Variants in VDAC3 observed in about 807,000 individuals in gnomAD.
VDAC3 encodes the protein non-selective voltage-gated ion channel VDAC3.
In VDAC3, 7 loss-of-function variants were observed where a neutral mutation model predicts 33.9. The ratio of observed to expected loss-of-function variants is 0.21; its 90% CI spans 0.12 to 0.39. The LOEUF is 0.39. Ranked by LOEUF, VDAC3 falls within the 10% of genes least tolerant of loss-of-function variation. The probability of loss-of-function intolerance (pLI) is 1.00; values close to 1 mark genes in which losing one functional copy is unlikely to be tolerated. For missense variants in VDAC3, 261 were observed against 334.5 expected (o/e 0.78, Z 1.71); for synonymous variants, 100 against 122.4 (o/e 0.82, Z 1.21).
chr8:42,405,413 T>G lies in VDAC3; in HGVS notation c.803T>G (p.Phe268Cys). The G allele has an allele frequency of 6.2e-7, 1 of 1,612,764 alleles. No homozygotes were observed. The highest frequency in any genetic ancestry group is 8.5e-7 in the Non-Finnish European group (1 of 1,180,020). ...TLSALIDGKN[F>C]SAGGHKVGLG... ...TCAGCTTTAATCGATGGGAAGAACT[T>G]CAGTGCAGGAGGTCACAAGGTTGGC... is the stretch of plus-strand genomic sequence containing the variant. Residue 268 changes from phenylalanine (F) to cysteine (C), a missense_variant, in exon 10 of 10, where the codon TTC becomes TGC. Physicochemically the swap from Phe to Cys is radical, Grantham distance 205 (BLOSUM62 -2). Coordinates refer to ENST00000022615, the MANE Select transcript of VDAC3 (RefSeq NM_005662.7).
At chr8:42,398,437 A>G (rs1802355912) in intron 4 of VDAC3, among the ~76,000 whole-genome samples, 1 of 152,122 alleles carries the variant, frequency 6.6e-6, no homozygotes, top group African/African-American at 2.4e-5. Flanking sequence ...CATGTTGCGC[A>G]GGCTGGTCTT....
intron 4 of VDAC3, among the ~76,000 whole-genome samples, chr8:42,395,737 G>C (rs1193017643): frequency 6.7e-6 from 1 of 148,238 alleles, no homozygotes; most frequent in African/African-American, 2.5e-5. Flanking sequence ...AGGTGGGCGG[G>C]TCATGAGGTC....
chr8:42,392,299 T>C (rs1035177693), intron 1 of VDAC3, among the ~76,000 whole-genome samples: 1 of 152,158 alleles, frequency 6.6e-6, no homozygotes, highest in Admixed American at 6.5e-5. Context: ...GAGGGTGCCC[T>C]GCGTGCAATT....
rs1168783424 is a variant in VDAC3 at position 42,402,013 on chromosome 8, T to C, written c.549T>C (p.His183=). The change falls in exon 7 of 10, where the codon CAT becomes CAC. Residue 183 remains histidine, a splice_region_variant and synonymous_variant. Transcript: ENST00000022615. ...CTGCGGACTTCCAGCTGCACACACA[T>C]GTGTGAGTGTTTATAATTTATTCCT... The part of the protein sequence containing the change: ...YKAADFQLHT[H]VNDGTEFGGS... 3 of 1,614,070 alleles carry C rather than the reference T, an allele frequency of 1.9e-6. No homozygotes were observed. Among genetic ancestry groups the C allele is most frequent in the Non-Finnish European group, 2.5e-6 (3 of 1,179,936 alleles).
chr8:42,403,155 T>C (rs767481616), intron 7 of VDAC3, 156 bp from the exon 8 acceptor site: 22 of 749,946 alleles, frequency 2.9e-5, no homozygotes, highest in Non-Finnish European at 3.6e-5. Context: ...GATTTAGTTC[T>C]GTGTTTTGTT....
In VDAC3 at chr8:42,405,576, TC is replaced by T; in HGVS notation, c.*116del. The T allele has an allele frequency of 2.2e-6, 2 of 891,540 alleles. No individual in the cohort carries two copies. The highest frequency in any genetic ancestry group is 1.7e-5 in the African/African-American group (1 of 59,536). 55.2% of individuals were successfully genotyped at this position (891,540 alleles called of 1,614,324 possible). ...TTCAAAAGTGTGAACTTTTTATTCT[TC>T]CAAAGAATTGTAATCCTCCCCACAC... On this transcript the variant is annotated 3_prime_UTR_variant, in exon 10 of 10. Transcript: ENST00000022615.
chr8:42,404,764 T>C, intron 8 of VDAC3, 103 bp from the exon 9 acceptor site: 1 of 843,896 alleles, frequency 1.2e-6, no homozygotes, highest in Non-Finnish European at 1.9e-6. Context: ...AGATTGGCCC[T>C]AGGGTGCTTT....
intron 7 of VDAC3, among the ~76,000 whole-genome samples, chr8:42,402,478 C>T (rs1291542081): frequency 6.6e-6 from 1 of 152,122 alleles, no homozygotes; most frequent in African/African-American, 2.4e-5. Flanking sequence ...CGGTTGGAAC[C>T]CAGGTACCGC....
Position 42,395,143 on chromosome 8 carries a change from TA to T in VDAC3, c.117+12del, listed in dbSNP as rs760380602. ...GTCTTGTAGTGGAGTGGTGAGTATCTAATATATTTTTAATGAATGTAACATA... is the reference window on the plus strand; with the variant it reads ...GTCTTGTAGTGGAGTGGTGAGTATCTATATATTTTTAATGAATGTAACATA... On this transcript the variant is annotated intron_variant, in intron 4 of 9. Transcript: ENST00000022615. 1.9e-6 allele frequency: 3 copies of T among 1,613,746 alleles called. No individual in the cohort carries two copies. In the South Asian group the frequency reaches 3.3e-5, roughly 18 times the overall value.
chr8:42,400,194 C>T (rs531440704), intron 6 of VDAC3, among the ~76,000 whole-genome samples: 1 of 152,004 alleles, frequency 6.6e-6, no homozygotes, highest in East Asian at 1.9e-4. Context: ...AAAAATTAGC[C>T]AGGCATGGTG....
At chr8:42,399,444 C>T in intron 5 of VDAC3, 2 of 422,344 alleles carry the variant, frequency 4.7e-6, no homozygotes, top group Non-Finnish European at 8.8e-6. Flanking sequence ...TAGGATTTGC[C>T]CCATTTTTTA....
At position 42,403,474 on chromosome 8, in the gene VDAC3, T is replaced by C. The variant is rs1172621755; in HGVS notation, c.702+13T>C. ...AACTTCTCTCTCTGTAAGAATGTGC[T>C]GCCAGATTGGATCTGCTCTTATGTT... On this transcript the variant is annotated intron_variant, in intron 8 of 9. Transcript: ENST00000022615. 7 of 1,555,558 alleles carry C rather than the reference T, an allele frequency of 4.5e-6. No homozygotes were observed. Among genetic ancestry groups the C allele is most frequent in the Non-Finnish European group, 6.1e-6 (7 of 1,155,404 alleles).
rs1802488650 is a variant in VDAC3, at chr8:42,405,643, T to G, written c.*181T>G. Reference sequence around the variant, plus strand: ...GCGAATCCCTCCTGAGGGAGATGCTTGAAGGCATGCCTGGAAGTTGTCATG... The same window carrying G: ...GCGAATCCCTCCTGAGGGAGATGCTGGAAGGCATGCCTGGAAGTTGTCATG... On this transcript the variant is annotated 3_prime_UTR_variant, in exon 10 of 10. Transcript: ENST00000022615. 2 of 553,332 alleles carry G rather than the reference T, an allele frequency of 3.6e-6. No homozygotes were observed. Among genetic ancestry groups the G allele is most frequent in the South Asian group, 4.4e-5 (2 of 45,192 alleles). The allele number at this position is 553,332 out of a possible 1,614,324, so 34.3% of individuals were successfully genotyped here. A position where few individuals can be genotyped will look rare whatever the true frequency, so the allele number is the denominator to read the frequency against.
intron 8 of VDAC3, among the ~76,000 whole-genome samples, chr8:42,404,603 T>A (rs1316473581): frequency 6.6e-6 from 1 of 151,174 alleles, no homozygotes; most frequent in Non-Finnish European, 1.5e-5. Context: ...ATGCCTGTAA[T>A]CCCAGCTACT....
chr8:42,394,573 C>T (rs957434442), intron 3 of VDAC3, among the ~76,000 whole-genome samples: 7 of 152,086 alleles, frequency 4.6e-5, no homozygotes, highest in African/African-American at 1.4e-4. Flanking sequence ...GCCCTGAGGA[C>T]AATTAAATTA....
At chr8:42,394,120 C>A in intron 2 of VDAC3, 90 bp from the exon 3 acceptor site, 1 of 1,129,604 alleles carries the variant, frequency 8.9e-7, no homozygotes, top group South Asian at 1.2e-5. Flanking sequence ...ACTGTATACC[C>A]CTTCTCACAG....
chr8:42,398,662 T>C, intron 4 of VDAC3, 50 bp from the exon 5 acceptor site: 1 of 1,579,936 alleles, frequency 6.3e-7, no homozygotes. Flanking sequence ...AGTGAATATT[T>C]TCTATTTGAT....
At chr8:42,402,929 C>T (rs1802442120) in intron 7 of VDAC3, 1 of 185,440 alleles carries the variant, frequency 5.4e-6, no homozygotes, top group Non-Finnish European at 1.1e-5. Context: ...ATTCCTATAC[C>T]TCTACCTTTT....
At position 42,394,211 on chromosome 8, in the gene VDAC3, T is replaced by C; in HGVS notation, c.-1T>C. ...CTTTGCCCTGTTTTTCTTTATAAGA[T>C]ATGTGTAACACACCAACGTACTGTG... On this transcript the variant is annotated splice_region_variant and 5_prime_UTR_variant, in exon 3 of 10. Transcript: ENST00000022615. The C allele has an allele frequency of 6.2e-7, 1 of 1,613,536 alleles. No homozygotes were observed. The highest frequency in any genetic ancestry group is 8.5e-7 in the Non-Finnish European group (1 of 1,179,548).
Sources: allele counts gnomAD v4.1 joint callset (sites outside exome capture counted in the v4.1 genomes callset), GRCh38; gene constraint gnomAD v4.1.1; transcripts MANE v1.5; gene names NCBI Gene and HGNC (gene_info 2026-07-23, HGNC 2026-07-21).